ADAM22: variants seen among roughly 807,000 people sequenced by gnomAD.
ADAM22 encodes ADAM metallopeptidase domain 22, also known as disintegrin and metalloproteinase domain-containing protein 22.
In ADAM22, 65 loss-of-function variants were observed where a neutral mutation model predicts 144.6. That is an observed-to-expected ratio of 0.45 (90% CI 0.37 to 0.55). The LOEUF is 0.55. Ranked by LOEUF, ADAM22 falls within the 20% of genes least tolerant of loss-of-function variation. The probability of loss-of-function intolerance (pLI) is 0.00; values close to 1 mark genes in which losing one functional copy is unlikely to be tolerated. For synonymous variants in ADAM22, 391 were observed against 412.6 expected (o/e 0.95, Z 0.63); for missense variants, 974 against 1,184.9 (o/e 0.82, Z 2.61).
chr7:88,133,838 T>G (rs1832400236), intron 12 of ADAM22, among the ~76,000 whole-genome samples: 1 of 152,202 alleles, frequency 6.6e-6, no homozygotes, highest in Non-Finnish European at 1.5e-5. Flanking sequence ...TCTTCTTAAG[T>G]TTCTATTGGC....
At chr7:87,950,006 C>A (rs1405982859) in intron 2 of ADAM22, among the ~76,000 whole-genome samples, 3 of 151,778 alleles carry the variant, frequency 2.0e-5, no homozygotes, top group African/African-American at 7.3e-5. Context: ...CTTCATGCCT[C>A]TAAAAGATCT....
rs137878203 is a variant in ADAM22 at position 87,946,590 on chromosome 7, T to C, written c.246+11404T>C. On this transcript the variant is annotated intron_variant, in intron 2 of 31. Transcript: ENST00000413139. ...ATATAACTAGCCAGCTATCCCAGCA[T>C]TGTTTATTGAAGAGGGAGTTCTTTC... Among the ~76,000 whole-genome samples the C allele has an allele frequency of 4.0e-3, 614 of 152,322 alleles. 2 individuals are homozygous for C. Among genetic ancestry groups the C allele is most frequent in the African/African-American group, 0.014 (579 of 41,570 alleles).
intron 5 of ADAM22, among the ~76,000 whole-genome samples, chr7:88,113,877 T>A (rs1019294357): frequency 1.3e-5 from 2 of 150,680 alleles, no homozygotes; most frequent in Non-Finnish European, 3.0e-5. Flanking sequence ...AATGCATGAA[T>A]GGAGGTAGGT....
At chr7:87,958,867 A>C (rs1359923983) in intron 2 of ADAM22, among the ~76,000 whole-genome samples, 5 of 151,976 alleles carry the variant, frequency 3.3e-5, no homozygotes, top group African/African-American at 1.2e-4. Flanking sequence ...GATTTTTGGC[A>C]TTTAAAAATA....
chr7:88,092,660 G>A (rs1820242994), intron 4 of ADAM22, among the ~76,000 whole-genome samples: 2 of 152,118 alleles, frequency 1.3e-5, no homozygotes, highest in South Asian at 4.2e-4. Context: ...AAATTTGGGG[G>A]GATTAAGTAA....
chr7:88,131,439 C>G lies in ADAM22; in HGVS notation c.992+4C>G. ...GTGATGCAGTTCACCTTTTTTCGTA[C>G]GTAACTTCTGTAATGATGTATTACT... On this transcript the variant is annotated splice_donor_region_variant and intron_variant, in intron 11 of 31. Transcript: ENST00000413139. The G allele has an allele frequency of 6.2e-7, 1 of 1,613,202 alleles. No homozygotes were observed.
At chr7:88,139,613 G>A (rs940782346) in intron 14 of ADAM22, among the ~76,000 whole-genome samples, 3 of 152,080 alleles carry the variant, frequency 2.0e-5, no homozygotes, top group African/African-American at 7.2e-5. Context: ...CAGATGGCTT[G>A]GTTGGTCACT....
chr7:88,105,336 A>G (rs973515049), intron 4 of ADAM22, among the ~76,000 whole-genome samples: 1 of 152,188 alleles, frequency 6.6e-6, no homozygotes, highest in Non-Finnish European at 1.5e-5. Flanking sequence ...CAATATAAGG[A>G]AACACTTATA....
At chr7:88,111,691 G>A (rs1403919410) in intron 5 of ADAM22, among the ~76,000 whole-genome samples, 2 of 151,566 alleles carry the variant, frequency 1.3e-5, no homozygotes, top group Non-Finnish European at 2.9e-5. Flanking sequence ...CTTGGTCTTA[G>A]CTATAGGTTT....
At chr7:87,999,630 A>G (rs1637490) in intron 3 of ADAM22, among the ~76,000 whole-genome samples, 61,233 of 152,054 alleles carry the variant, frequency 0.4, 13,101 homozygotes, top group Non-Finnish European at 0.45. Context: ...TGAAATATTT[A>G]CAACATTTTA....
chr7:88,128,776 C>A, intron 9 of ADAM22, 100 bp downstream of exon 9: 1 of 874,926 alleles, frequency 1.1e-6, no homozygotes, highest in South Asian at 1.6e-5. Flanking sequence ...CAAGTTGTAA[C>A]CTGGAGAAGG....
intron 3 of ADAM22, among the ~76,000 whole-genome samples, chr7:87,981,781 CTCA>C (rs1421754755): frequency 6.6e-6 from 1 of 151,896 alleles, no homozygotes; most frequent in Non-Finnish European, 1.5e-5. Flanking sequence ...CTGGAAGAGT[CTCA>C]TCATGCTATA....
chr7:88,082,595 A>G (rs1387189591), intron 4 of ADAM22, among the ~76,000 whole-genome samples: 5 of 152,206 alleles, frequency 3.3e-5, no homozygotes, highest in African/African-American at 1.2e-4. Context: ...TCATCTGACA[A>G]AGGGCTAATA....
intron 3 of ADAM22, among the ~76,000 whole-genome samples, chr7:88,000,117 T>G (rs1415010697): frequency 2.0e-5 from 3 of 152,194 alleles, no homozygotes; most frequent in Non-Finnish European, 4.4e-5. Context: ...CTACATTCAG[T>G]GTTAAGTAAT....
chr7:88,172,887 A>T (rs1164286520), intron 26 of ADAM22, among the ~76,000 whole-genome samples: 2 of 152,026 alleles, frequency 1.3e-5, no homozygotes, highest in Non-Finnish European at 2.9e-5. Context: ...AGGTTGATTG[A>T]TCGTATTAGA....
In ADAM22 at chr7:88,104,808, T is replaced by C. The variant is rs78689128; in HGVS notation, c.391-3368T>C. On this transcript the variant is annotated intron_variant, in intron 4 of 31. Transcript: ENST00000413139. ...GTAATGCAAATTGAGATTTTTTTTT[T>C]CCCCTGGTGTTTATGCCTCTGCTGA... Among the ~76,000 whole-genome samples the C allele has an allele frequency of 2.0e-3, 298 of 152,126 alleles. 3 individuals carry two copies. The East Asian group carries it at 0.04, about 20-fold the overall frequency.
chr7:88,002,433 C>A (rs1374372376), intron 3 of ADAM22, among the ~76,000 whole-genome samples: 1 of 152,120 alleles, frequency 6.6e-6, no homozygotes, highest in African/African-American at 2.4e-5. Context: ...GGAATCCATC[C>A]CTCCCAAACC....
chr7:88,055,701 A>T lies in ADAM22; in HGVS notation c.324-19925A>T, dbSNP rs567588621. Among the ~76,000 whole-genome samples, 8 of 152,268 alleles carry T rather than the reference A, an allele frequency of 5.3e-5. No homozygotes were observed. The South Asian group carries it at 1.7e-3, about 32-fold the overall frequency. On this transcript the variant is annotated intron_variant, in intron 3 of 31. Transcript: ENST00000413139. ...TCCATAGGGAGGGTAAGAATCCAGA[A>T]AAGTTATGCCAGTGCCAGTTTCCCT...
At chr7:88,078,122 T>G (rs1223231690) in intron 4 of ADAM22, among the ~76,000 whole-genome samples, 2 of 152,136 alleles carry the variant, frequency 1.3e-5, no homozygotes, top group African/African-American at 4.8e-5. Flanking sequence ...GACTGACACC[T>G]CACACAGCTG....
Sources: allele counts gnomAD v4.1 joint callset (sites outside exome capture counted in the v4.1 genomes callset), GRCh38; gene constraint gnomAD v4.1.1; transcripts MANE v1.5; gene names NCBI Gene and HGNC (gene_info 2026-07-23, HGNC 2026-07-21).